The following ACOXL variants were observed in gnomAD, a reference collection of about 807,000 sequenced individuals.
The protein encoded by ACOXL is acyl-coenzyme A oxidase-like protein.
A neutral mutation model predicts 71.9 loss-of-function variants in ACOXL; 70 were observed. The ratio of observed to expected loss-of-function variants is 0.97; its 90% CI spans 0.80 to 1.19. The LOEUF (loss-of-function observed/expected upper bound fraction) is 1.19, where lower values mean the gene tolerates loss of function less well. Among genes scored for constraint, ACOXL ranks in the 50% most tolerant of loss-of-function variants. The pLI is 0.00. For synonymous variants in ACOXL, 253 were observed against 281.6 expected (o/e 0.90, Z 1.02); for missense variants, 703 against 736.3 (o/e 0.95, Z 0.52).
chr2:111,117,540 G>A (rs1225415091), intron 17 of ACOXL, 76 bp from the exon 18 acceptor site: 4 of 1,460,124 alleles, frequency 2.7e-6, no homozygotes, highest in Non-Finnish European at 3.8e-6. Context: ...GGTGCTTGGT[G>A]GGCTGAAAGC....
chr2:110,832,148 CAG>C (rs1381231506), intron 9 of ACOXL, among the ~76,000 whole-genome samples: 1 of 152,070 alleles, frequency 6.6e-6, no homozygotes, highest in African/African-American at 2.4e-5. Flanking sequence ...CCCTGGGTGA[CAG>C]AGCAAGACTG....
At chr2:111,076,298 C>G (rs981229944) in intron 16 of ACOXL, among the ~76,000 whole-genome samples, 5 of 152,160 alleles carry the variant, frequency 3.3e-5, no homozygotes, top group Admixed American at 2.6e-4. Flanking sequence ...TCACATTTAG[C>G]ATTATTACAT....
intron 12 of ACOXL, among the ~76,000 whole-genome samples, chr2:110,949,447 A>C (rs1477203899): frequency 2.0e-5 from 3 of 152,080 alleles, no homozygotes; most frequent in African/African-American, 7.2e-5. Flanking sequence ...ATCAAGAAAA[A>C]ACCCCAAAGT....
chr2:111,067,165 A>G (rs1221615000), intron 16 of ACOXL, among the ~76,000 whole-genome samples: 1 of 152,188 alleles, frequency 6.6e-6, no homozygotes, highest in Non-Finnish European at 1.5e-5. Context: ...CTTTGCATCA[A>G]TGAGATAACA....
rs72834507 is a variant in ACOXL, at chr2:110,914,458, G to A, written c.905+5553G>A. 6.4e-3 allele frequency among the ~76,000 whole-genome samples: 968 copies of A among 152,156 alleles called. 3 individuals are homozygous for A. Among genetic ancestry groups the A allele is most frequent in the Non-Finnish European group, 0.011 (780 of 67,998 alleles). On this transcript the variant is annotated intron_variant, in intron 11 of 17. Transcript: ENST00000439055. ...ATTTTTCACTAAATGTAGTCAAAAGGCATTGATTTTTAATTTAATTCCCAA... is the reference window on the plus strand; with the variant it reads ...ATTTTTCACTAAATGTAGTCAAAAGACATTGATTTTTAATTTAATTCCCAA...
intron 17 of ACOXL, chr2:111,102,071 A>C: frequency 6.6e-6 from 1 of 152,604 alleles, no homozygotes; most frequent in Admixed American, 6.5e-5. Flanking sequence ...CCCAGTGCAA[A>C]AGACTCTAAA....
At chr2:110,806,306 C>T (rs974776959) in intron 9 of ACOXL, among the ~76,000 whole-genome samples, 2 of 152,224 alleles carry the variant, frequency 1.3e-5, no homozygotes, top group Non-Finnish European at 2.9e-5. Context: ...CGTGCCCGCC[C>T]GTGCACCCCA....
intron 14 of ACOXL, among the ~76,000 whole-genome samples, chr2:111,001,724 C>G (rs1005975188): frequency 6.6e-6 from 1 of 152,182 alleles, no homozygotes; most frequent in African/African-American, 2.4e-5. Context: ...TAGTTAACAG[C>G]CTTCAAAGGG....
At chr2:110,962,788 C>A (rs1260952030) in intron 12 of ACOXL, among the ~76,000 whole-genome samples, 1 of 152,260 alleles carries the variant, frequency 6.6e-6, no homozygotes. Flanking sequence ...ACTGCACATA[C>A]TCCTGGGAGA....
At chr2:111,071,802 G>T (rs1163553091) in intron 16 of ACOXL, among the ~76,000 whole-genome samples, 1 of 152,220 alleles carries the variant, frequency 6.6e-6, no homozygotes, top group Non-Finnish European at 1.5e-5. Context: ...GTTGGTCCCA[G>T]TGGGCTTGAG....
chr2:111,036,924 T>G (rs1327237814), intron 15 of ACOXL: 1 of 152,104 alleles, frequency 6.6e-6, no homozygotes, highest in Non-Finnish European at 1.5e-5. Flanking sequence ...AGGAGGGCTC[T>G]TAGACAAAAA....
intron 1 of ACOXL, among the ~76,000 whole-genome samples, chr2:110,746,942 CA>C (rs1199921648): frequency 6.6e-6 from 1 of 152,008 alleles, no homozygotes; most frequent in Non-Finnish European, 1.5e-5. Flanking sequence ...GGTCATAAGT[CA>C]AATGTACTTG....
intron 11 of ACOXL, among the ~76,000 whole-genome samples, chr2:110,914,302 A>G (rs1169285716): frequency 6.6e-6 from 1 of 152,182 alleles, no homozygotes; most frequent in Non-Finnish European, 1.5e-5. Context: ...TTGTGATTGC[A>G]TTGAATCTAT....
intron 16 of ACOXL, among the ~76,000 whole-genome samples, chr2:111,067,982 C>G (rs943051952): frequency 4.6e-5 from 7 of 152,078 alleles, no homozygotes; most frequent in Non-Finnish European, 7.4e-5. Flanking sequence ...TGCCCCGTGC[C>G]CCTCTCTTGG....
chr2:110,761,217 T>A (rs995475675), intron 1 of ACOXL, among the ~76,000 whole-genome samples: 3 of 152,244 alleles, frequency 2.0e-5, no homozygotes, highest in East Asian at 1.9e-4. Flanking sequence ...ATTACTTTTT[T>A]AAAAACAATT....
intron 12 of ACOXL, among the ~76,000 whole-genome samples, chr2:110,973,021 C>G (rs1558809759): frequency 1.3e-5 from 2 of 152,200 alleles, no homozygotes; most frequent in African/African-American, 4.8e-5. Flanking sequence ...GGAATCTTCC[C>G]AAACCCAAGT....
chr2:110,982,889 T>C (rs945888315), intron 12 of ACOXL, among the ~76,000 whole-genome samples: 1 of 152,202 alleles, frequency 6.6e-6, no homozygotes, highest in African/African-American at 2.4e-5. Flanking sequence ...CCATGCTTGG[T>C]TCAGTGCTCT....
chr2:110,740,611 G>A (rs1677402944), intron 1 of ACOXL, among the ~76,000 whole-genome samples: 1 of 152,242 alleles, frequency 6.6e-6, no homozygotes, highest in Admixed American at 6.5e-5. Flanking sequence ...GGTTTTTAAT[G>A]TGTAAAATAT....
intron 1 of ACOXL, among the ~76,000 whole-genome samples, chr2:110,744,668 G>A (rs1480799281): frequency 2.0e-5 from 3 of 152,312 alleles, no homozygotes; most frequent in South Asian, 2.1e-4. Context: ...AAGCCATTCA[G>A]GCATAGCCAC....
Sources: allele counts gnomAD v4.1 joint callset (sites outside exome capture counted in the v4.1 genomes callset), GRCh38; gene constraint gnomAD v4.1.1; transcripts MANE v1.5; gene names NCBI Gene and HGNC (gene_info 2026-07-23, HGNC 2026-07-21).